The following ATAD3B variants were observed in gnomAD, a reference collection of about 807,000 sequenced individuals.
ATAD3B encodes the protein ATPase family AAA domain containing 3B.
A neutral mutation model predicts 70.2 loss-of-function variants in ATAD3B; 59 were observed. The observed-to-expected ratio is 0.84, with a 90% CI of 0.68 to 1.04. The LOEUF is 1.04. Ranked by LOEUF, ATAD3B falls within the 50% of genes least tolerant of loss-of-function variation. ATAD3B has a pLI of 0.00. For synonymous variants in ATAD3B, 423 were observed against 388.6 expected, an observed-to-expected ratio of 1.09 and a Z score of -1.04; for missense variants, 961 against 913.4, an observed-to-expected ratio of 1.05 and a Z score of -0.67.
chr1:1,499,497 G>T (rs1262346681), downstream of ATAD3B, among the ~76,000 whole-genome samples: 1 of 151,670 alleles, frequency 6.6e-6, no homozygotes. Flanking sequence ...CTCCCAAAGT[G>T]CTGGGATTAC....
In ATAD3B at chr1:1,495,379, G is replaced by T. The variant is rs562712028; in HGVS notation, c.1615-106G>T. The T allele has an allele frequency of 2.6e-4, 369 of 1,430,982 alleles. 6 individuals are homozygous for T. In the South Asian group the frequency reaches 3.8e-3, roughly 15 times the overall value. 88.6% of individuals were successfully genotyped at this position (1,430,982 alleles called of 1,614,324 possible). On this transcript the variant is annotated intron_variant, in intron 15 of 15. Coordinates refer to ENST00000673477, the MANE Select transcript of ATAD3B (RefSeq NM_031921.6). ...GAAGCCTGTGTTTCACCCTGAGGTTGTCCTGGTGCCCCTGGTTTGGCCCCT... is the reference window on the plus strand; with the variant it reads ...GAAGCCTGTGTTTCACCCTGAGGTTTTCCTGGTGCCCCTGGTTTGGCCCCT...
intron 2 of ATAD3B, among the ~76,000 whole-genome samples, chr1:1,477,767 G>A (rs1428483894): frequency 1.3e-5 from 2 of 151,022 alleles, no homozygotes; most frequent in East Asian, 1.9e-4. Context: ...GTGCAATGGC[G>A]CAATCTCGGC....
Position 1,480,485 on chromosome 1 carries a change from G to A in ATAD3B, c.445-382G>A, listed in dbSNP as rs555505746. ...TAGGGACCGTCACCTTCAGTCCTGA[G>A]CTCGCAGGCGGGGTTCACATGTTGC... On this transcript the variant is annotated intron_variant, in intron 4 of 15. Transcript: ENST00000673477. Among the ~76,000 whole-genome samples the A allele has an allele frequency of 1.2e-4, 18 of 147,526 alleles. 1 individual carries two copies. The highest frequency in any genetic ancestry group is 2.1e-4 in the Non-Finnish European group (14 of 67,176).
chr1:1,484,087 A>T (rs1199331471), intron 7 of ATAD3B: 4 of 152,120 alleles, frequency 2.6e-5, no homozygotes, highest in Non-Finnish European at 5.9e-5. Flanking sequence ...GCGAGGCTTT[A>T]AACGAGAGAA....
At chr1:1,500,317 C>T (rs1443445620), downstream of ATAD3B, among the ~76,000 whole-genome samples, 1 of 150,690 alleles carries the variant, frequency 6.6e-6, no homozygotes, top group Non-Finnish European at 1.5e-5. Flanking sequence ...CTTTGGGAGG[C>T]CGAGGCGGGC....
chr1:1,482,616 T>G lies in ATAD3B; in HGVS notation c.750+2T>G, dbSNP rs765616769. 5 of 1,613,194 alleles carry G rather than the reference T, an allele frequency of 3.1e-6. No individual in the cohort carries two copies. Among genetic ancestry groups the G allele is most frequent in the Non-Finnish European group, 3.4e-6 (4 of 1,179,584 alleles). On this transcript the variant is annotated splice_donor_variant, in intron 7 of 15. Coordinates refer to ENST00000673477, the MANE Select transcript of ATAD3B (RefSeq NM_031921.6). LOFTEE classifies it high-confidence loss of function. Reference sequence around the variant, plus strand: ...GACCGGGACAAAGTGACAGCCACGGTAAACATATTCATAAAACAGGGCTGG... The same window carrying G: ...GACCGGGACAAAGTGACAGCCACGGGAAACATATTCATAAAACAGGGCTGG...
At chr1:1,489,862 C>T (rs1640436582) in intron 13 of ATAD3B, 7 of 1,218,504 alleles carry the variant, frequency 5.7e-6, no homozygotes, top group Non-Finnish European at 7.3e-6. Flanking sequence ...CTGCTGAACC[C>T]GGGCCCCCGA....
downstream of ATAD3B, among the ~76,000 whole-genome samples, chr1:1,502,507 ATT>A (rs1177153786): frequency 2.4e-5 from 2 of 82,836 alleles, no homozygotes; most frequent in Non-Finnish European, 2.9e-5. Context: ...CGTGCCCAGC[ATT>A]TTTTTTTTTT....
intron 1 of ATAD3B, among the ~76,000 whole-genome samples, chr1:1,475,081 C>G (rs1261323288): frequency 6.7e-6 from 1 of 148,610 alleles, no homozygotes; most frequent in Non-Finnish European, 1.5e-5. Flanking sequence ...TAGTGCAGAC[C>G]TGTGCCTCTG....
At chr1:1,484,567 T>TA (rs1450190790) in intron 7 of ATAD3B, 1 of 161,786 alleles carries the variant, frequency 6.2e-6, no homozygotes, top group Non-Finnish European at 1.4e-5. Context: ...CCTCTGGTGA[T>TA]ACGCCGGCCT....
chr1:1,480,972 G>A, intron 5 of ATAD3B, 36 bp downstream of exon 5: 1 of 1,583,974 alleles, frequency 6.3e-7, no homozygotes, highest in Non-Finnish European at 8.5e-7. Flanking sequence ...GGCGGAGGTG[G>A]CGGGGGCTGC....
chr1:1,483,136 GAAA>G (rs753675650), intron 7 of ATAD3B: 3 of 383,998 alleles, frequency 7.8e-6, no homozygotes, highest in Middle Eastern at 1.1e-3. Flanking sequence ...CTAAAAAAAA[GAAA>G]AAAAAAGAAA....
chr1:1,501,636 C>T (rs994914459), downstream of ATAD3B, among the ~76,000 whole-genome samples: 7 of 152,060 alleles, frequency 4.6e-5, no homozygotes, highest in African/African-American at 1.4e-4. Flanking sequence ...GATGATGCAC[C>T]TGCCTCAGCC....
chr1:1,502,459 C>T (rs1216312050), downstream of ATAD3B, among the ~76,000 whole-genome samples: 63 of 149,936 alleles, frequency 4.2e-4, no homozygotes, highest in Non-Finnish European at 5.6e-4. Context: ...CCACCCGTCT[C>T]GGCCTCCCAA....
At chr1:1,503,551 T>C in the ATAD3B span, 1 of 1,594,318 alleles carries the variant, frequency 6.3e-7, no homozygotes, top group South Asian at 1.1e-5. Context: ...CCGTGTATCC[T>C]AACACCCGCC....
Position 1,496,108 on chromosome 1 carries a change from G to T in ATAD3B, c.*291G>T. On this transcript the variant is annotated 3_prime_UTR_variant, in exon 16 of 16. Transcript: ENST00000673477. ...CCATGGCCAGGGGCCACGGAACCCG[G>T]CAGGGGTGTCTGAGGCCGCCCTGTC... The T allele has an allele frequency of 3.4e-6, 4 of 1,174,458 alleles. No homozygotes were observed. Among genetic ancestry groups the T allele is most frequent in the Non-Finnish European group, 4.2e-6 (4 of 947,678 alleles). 72.8% of individuals were successfully genotyped at this position (1,174,458 alleles called of 1,614,324 possible).
At chr1:1,474,846 TGGA>T (rs1639514825) in intron 1 of ATAD3B, among the ~76,000 whole-genome samples, 1 of 151,576 alleles carries the variant, frequency 6.6e-6, no homozygotes, top group Non-Finnish European at 1.5e-5. Flanking sequence ...AATCAAGGGC[TGGA>T]CTTCAGGGCA....
intron 12 of ATAD3B, among the ~76,000 whole-genome samples, chr1:1,488,901 A>AGGC (rs1041101196): frequency 7.3e-5 from 11 of 151,716 alleles, no homozygotes; most frequent in Non-Finnish European, 1.5e-4. Flanking sequence ...GTGGCTTGAG[A>AGGC]TTACAGGTGT....
At chr1:1,499,120 C>T (rs1365152053), downstream of ATAD3B, among the ~76,000 whole-genome samples, 3 of 151,540 alleles carry the variant, frequency 2.0e-5, no homozygotes, top group East Asian at 1.9e-4. Flanking sequence ...CACAGGTGCC[C>T]GCCACCACGC....
Sources: allele counts gnomAD v4.1 joint callset (sites outside exome capture counted in the v4.1 genomes callset), GRCh38; gene constraint gnomAD v4.1.1; transcripts MANE v1.5; gene names NCBI Gene and HGNC (gene_info 2026-07-23, HGNC 2026-07-21).